The following IL23R variants were observed in gnomAD, a reference collection of about 807,000 sequenced individuals.
IL23R encodes interleukin-23 receptor.
A neutral mutation model predicts 56.9 loss-of-function variants in IL23R; 34 were observed. That is an observed-to-expected ratio of 0.60 (90% CI 0.45 to 0.80). The LOEUF is 0.80. Ranked by LOEUF, IL23R falls within the 30% of genes least tolerant of loss-of-function variation. The probability of loss-of-function intolerance (pLI) is 0.00; values close to 1 mark genes in which losing one functional copy is unlikely to be tolerated. For missense variants in IL23R, 635 were observed against 730.0 expected, an observed-to-expected ratio of 0.87 and a Z score of 1.50; for synonymous variants, 230 against 249.2, an observed-to-expected ratio of 0.92 and a Z score of 0.73.
chr1:67,219,853 C>T, intron 7 of IL23R, 123 bp downstream of exon 7: 1 of 937,848 alleles, frequency 1.1e-6, no homozygotes, highest in Non-Finnish European at 1.7e-6. Context: ...ATTGCTTGAG[C>T]CTAGGAGTTT....
intron 1 of IL23R, chr1:67,139,279 A>G (rs1395137149): frequency 6.6e-6 from 1 of 152,246 alleles, no homozygotes; most frequent in Non-Finnish European, 1.5e-5. Flanking sequence ...AAATGGATAG[A>G]TTAACTATCT....
intron 6 of IL23R, among the ~76,000 whole-genome samples, chr1:67,215,014 G>A (rs1001233220): frequency 1.3e-5 from 2 of 152,176 alleles, no homozygotes; most frequent in African/African-American, 4.8e-5. Flanking sequence ...GGTGCATGCA[G>A]CCTCTGTCAC....
chr1:67,240,098 A>G, intron 8 of IL23R, 81 bp from the exon 9 acceptor site: 1 of 1,019,642 alleles, frequency 9.8e-7, no homozygotes, highest in Non-Finnish European at 1.5e-6. Flanking sequence ...CTTTGCTTTG[A>G]GCAGAGTAAA....
At chr1:67,240,137 G>T in intron 8 of IL23R, 42 bp from the exon 9 acceptor site, 1 of 1,290,918 alleles carries the variant, frequency 7.7e-7, no homozygotes, top group Non-Finnish European at 1.1e-6. Context: ...ATCAAATGAA[G>T]ACTAATGCTT....
At chr1:67,167,611 C>G (rs934197553) in intron 1 of IL23R, among the ~76,000 whole-genome samples, 2 of 152,116 alleles carry the variant, frequency 1.3e-5, no homozygotes, top group African/African-American at 2.4e-5. Context: ...GTAATCCTAG[C>G]ACTTTGGGAG....
chr1:67,202,697 G>C (rs372090931), intron 5 of IL23R, among the ~76,000 whole-genome samples: 1 of 152,036 alleles, frequency 6.6e-6, no homozygotes, highest in Non-Finnish European at 1.5e-5. Flanking sequence ...TTAGCCTCTC[G>C]AGTAGCTGGG....
chr1:67,175,798 C>T (rs1320931230), intron 3 of IL23R, among the ~76,000 whole-genome samples: 4 of 152,120 alleles, frequency 2.6e-5, no homozygotes, highest in East Asian at 1.9e-4. Context: ...AGAACCCATT[C>T]GCAAGAGCCA....
intron 1 of IL23R, among the ~76,000 whole-genome samples, chr1:67,139,848 G>A (rs763412155): frequency 4.6e-5 from 7 of 152,178 alleles, no homozygotes; most frequent in Non-Finnish European, 1.0e-4. Context: ...GCTTGGTGGG[G>A]CCTTTAAAAG....
intron 1 of IL23R, among the ~76,000 whole-genome samples, chr1:67,154,902 G>C (rs1646758334): frequency 6.6e-6 from 1 of 152,100 alleles, no homozygotes. Flanking sequence ...TTTATATTTT[G>C]GCATGTTTTT....
At chr1:67,208,898 G>A (rs1649262697) in intron 6 of IL23R, among the ~76,000 whole-genome samples, 1 of 152,142 alleles carries the variant, frequency 6.6e-6, no homozygotes, top group Non-Finnish European at 1.5e-5. Context: ...CTCAATACCA[G>A]CCCATGAAAG....
chr1:67,233,767 A>G (rs1651267395), intron 7 of IL23R, among the ~76,000 whole-genome samples: 1 of 152,036 alleles, frequency 6.6e-6, no homozygotes. Context: ...ATTAATAGGC[A>G]TAAGTTAATA....
At chr1:67,157,615 G>A (rs11209008) in intron 1 of IL23R, among the ~76,000 whole-genome samples, 8,442 of 151,970 alleles carry the variant, frequency 0.056, 346 homozygotes, top group African/African-American at 0.1. Context: ...CTTACTCTTC[G>A]CCATCTCCTG....
chr1:67,204,596 A>G (rs80040784), intron 5 of IL23R, among the ~76,000 whole-genome samples: 1,888 of 152,262 alleles, frequency 0.012, 38 homozygotes, highest in African/African-American at 0.043. Context: ...TTCTTTTGCC[A>G]AAAGGGTCCT....
Position 67,206,884 on chromosome 1 carries a change from CT to C in IL23R, c.653-5del, listed in dbSNP as rs557919248. ...CTAGGCAAGTTTTAAACAGCCAGGTCTTTTTTTTTTTTTTTTTTTTTCTAGT... is the reference window on the plus strand; with the variant it reads ...CTAGGCAAGTTTTAAACAGCCAGGTCTTTTTTTTTTTTTTTTTTTTCTAGT... On this transcript the variant is annotated intron_variant, in intron 5 of 10. Transcript: ENST00000347310. The C allele has an allele frequency of 0.1, 122,442 of 1,167,932 alleles. 189 individuals are homozygous for C. The highest frequency in any genetic ancestry group is 0.18 in the African/African-American group (8,638 of 47,792). 72.3% of individuals were successfully genotyped at this position (1,167,932 alleles called of 1,614,324 possible).
intron 4 of IL23R, among the ~76,000 whole-genome samples, chr1:67,193,389 TC>T (rs1647890259): frequency 6.6e-6 from 1 of 152,234 alleles, no homozygotes; most frequent in Non-Finnish European, 1.5e-5. Context: ...TCTGTTTTGT[TC>T]ATTGTAGCCC....
rs78083258 is a variant in IL23R, at chr1:67,228,363, C to CTTTTTTTTTTTTTTTTTTTT, written c.956-8335_956-8334insTTTTTTTTTTTTTTTTTTTT. Among the ~76,000 whole-genome samples the CTTTTTTTTTTTTTTTTTTTT allele has an allele frequency of 1.0e-4, 11 of 105,782 alleles. 1 individual carries two copies. Among genetic ancestry groups the CTTTTTTTTTTTTTTTTTTTT allele is most frequent in the East Asian group, 3.8e-4 (1 of 2,646 alleles). The allele number at this position is 105,782 out of a possible 152,430, so 69.4% of individuals were successfully genotyped here. ...CATACCCAGCTAATTTTTTTTCTTC[C>CTTTTTTTTTTTTTTTTTTTT]TTTTTTTTTTTTTTTGTAGAGACAG... On this transcript the variant is annotated intron_variant, in intron 7 of 10. Coordinates refer to ENST00000347310, the MANE Select transcript of IL23R (RefSeq NM_144701.3).
At chr1:67,183,464 G>A (rs1030628161) in intron 4 of IL23R, among the ~76,000 whole-genome samples, 1 of 152,160 alleles carries the variant, frequency 6.6e-6, no homozygotes, top group Non-Finnish European at 1.5e-5. Context: ...GAACCCAGGA[G>A]GCAGAGGTTG....
intron 9 of IL23R, among the ~76,000 whole-genome samples, chr1:67,255,081 G>C (rs1325497317): frequency 6.6e-6 from 1 of 152,180 alleles, no homozygotes; most frequent in Admixed American, 6.5e-5. Flanking sequence ...TCTAGACTCA[G>C]AACAGCCTAA....
chr1:67,207,119 G>A, intron 6 of IL23R, 64 bp downstream of exon 6: 1 of 1,479,692 alleles, frequency 6.8e-7, no homozygotes, highest in Non-Finnish European at 9.4e-7. Flanking sequence ...ACCATCAGTG[G>A]CTACAGTGGA....
Sources: gnomAD v4.1 joint callset for allele counts (sites outside exome capture counted in the v4.1 genomes callset) on GRCh38, gnomAD v4.1.1 for gene constraint, MANE v1.5 for transcripts, NCBI Gene and HGNC (gene_info 2026-07-23, HGNC 2026-07-21) for gene names.